DEUP1: variants seen among roughly 807,000 people sequenced by gnomAD.
The protein encoded by DEUP1 is coiled-coil domain containing 67.
Under a neutral mutation model 87.4 loss-of-function variants are expected in DEUP1, and 82 were observed. That is an observed-to-expected ratio of 0.94 (90% confidence interval 0.78 to 1.13). The LOEUF (loss-of-function observed/expected upper bound fraction) is 1.13. Among genes scored for constraint, DEUP1 ranks in the 50% most tolerant of loss-of-function variants. DEUP1 has a pLI of 0.00. For synonymous variants in DEUP1, 214 were observed against 222.7 expected (o/e 0.96, Z 0.35); for missense variants, 663 against 681.5 (o/e 0.97, Z 0.30).
intron 7 of DEUP1, chr11:93,383,381 T>C: frequency 4.8e-6 from 2 of 415,622 alleles, no homozygotes; most frequent in Non-Finnish European, 4.3e-6. Flanking sequence ...CCACATAGTG[T>C]ATGACACCAT....
intron 7 of DEUP1, among the ~76,000 whole-genome samples, chr11:93,377,340 G>A (rs1946085469): frequency 6.6e-6 from 1 of 152,002 alleles, no homozygotes; most frequent in Non-Finnish European, 1.5e-5. Flanking sequence ...TTTTCCTGTT[G>A]GACTAGTCCT....
chr11:93,374,331 T>C (rs3020070), intron 7 of DEUP1, among the ~76,000 whole-genome samples: 70,982 of 152,008 alleles, frequency 0.47, 17,196 homozygotes, highest in Admixed American at 0.61. Context: ...GCTTTTGGGT[T>C]CTTGGTCATG....
At chr11:93,385,037 C>T (rs2134321383) in intron 7 of DEUP1, among the ~76,000 whole-genome samples, 1 of 152,278 alleles carries the variant, frequency 6.6e-6, no homozygotes, top group East Asian at 1.9e-4. Context: ...GCCTGATCAA[C>T]ATGGTGAAAC....
chr11:93,361,016 A>G (rs1383886371), intron 4 of DEUP1, among the ~76,000 whole-genome samples: 1 of 152,122 alleles, frequency 6.6e-6, no homozygotes. Context: ...AAGTTCTGAA[A>G]ACCAAAAGAC....
intron 5 of DEUP1, among the ~76,000 whole-genome samples, chr11:93,365,446 C>G (rs759873072): frequency 6.6e-6 from 1 of 152,138 alleles, no homozygotes; most frequent in Non-Finnish European, 1.5e-5. Flanking sequence ...ATCCTGACCT[C>G]ATGGAAGATG....
intron 2 of DEUP1, among the ~76,000 whole-genome samples, chr11:93,342,278 C>G (rs1336186165): frequency 6.6e-6 from 1 of 152,020 alleles, no homozygotes; most frequent in African/African-American, 2.4e-5. Context: ...GCTCTGGAAC[C>G]CAGCACAAAT....
At chr11:93,414,152 C>T (rs528805664) in intron 12 of DEUP1, among the ~76,000 whole-genome samples, 1 of 152,180 alleles carries the variant, frequency 6.6e-6, no homozygotes, top group East Asian at 1.9e-4. Flanking sequence ...ACTGGAGGAG[C>T]TTAGGAGATG....
intron 2 of DEUP1, among the ~76,000 whole-genome samples, chr11:93,347,786 C>G (rs1306425598): frequency 1.3e-5 from 2 of 152,132 alleles, no homozygotes; most frequent in Non-Finnish European, 2.9e-5. Flanking sequence ...GATGCCCAGG[C>G]TGGAGTGAAG....
In DEUP1 at chr11:93,394,455, G is replaced by T; in HGVS notation, c.1042-4G>T. Reference sequence around the variant, plus strand: ...ATAATATTTCCAGTCTCTATCTGCTGCAGATAAGAAGCCAACTCCAACAGG... The same window carrying T: ...ATAATATTTCCAGTCTCTATCTGCTTCAGATAAGAAGCCAACTCCAACAGG... On this transcript the variant is annotated splice_polypyrimidine_tract_variant and splice_region_variant and intron_variant, in intron 9 of 13. Transcript: ENST00000298050. 6.5e-7 allele frequency: 1 copy of T among 1,548,452 alleles called. No individual in the cohort carries two copies. The highest frequency in any genetic ancestry group is 8.7e-7 in the Non-Finnish European group (1 of 1,152,660).
chr11:93,343,730 A>T (rs1193723687), intron 2 of DEUP1, among the ~76,000 whole-genome samples: 1 of 152,216 alleles, frequency 6.6e-6, no homozygotes. Context: ...AATTCTGATA[A>T]AACAATTGGT....
At chr11:93,419,240 C>T (rs1413668994) in intron 13 of DEUP1, among the ~76,000 whole-genome samples, 1 of 150,896 alleles carries the variant, frequency 6.6e-6, no homozygotes, top group Non-Finnish European at 1.5e-5. Flanking sequence ...GGCAGATCCC[C>T]ACACTGCTAC....
intron 5 of DEUP1, among the ~76,000 whole-genome samples, chr11:93,368,923 G>A (rs7928834): frequency 0.09 from 13,691 of 151,734 alleles, 1,609 homozygotes; most frequent in African/African-American, 0.27. Context: ...GCAACAGAGC[G>A]AGACTCCATC....
chr11:93,330,241 G>T (rs1368895847), upstream of DEUP1: 1 of 151,584 alleles, frequency 6.6e-6, no homozygotes, highest in Non-Finnish European at 1.5e-5. Flanking sequence ...TTCAAATTTG[G>T]GTAAGAGGAA....
intron 2 of DEUP1, among the ~76,000 whole-genome samples, chr11:93,353,451 G>C (rs905837589): frequency 6.6e-6 from 1 of 152,192 alleles, no homozygotes; most frequent in Non-Finnish European, 1.5e-5. Context: ...CCGTTCTGGG[G>C]TCTGGAGGAC....
At chr11:93,384,771 T>C (rs1329646209) in intron 7 of DEUP1, among the ~76,000 whole-genome samples, 1 of 152,228 alleles carries the variant, frequency 6.6e-6, no homozygotes, top group Admixed American at 6.5e-5. Context: ...TTCATACTTT[T>C]ATGTTTCATT....
At chr11:93,420,420 A>C (rs1212116212) in intron 13 of DEUP1, among the ~76,000 whole-genome samples, 2 of 152,250 alleles carry the variant, frequency 1.3e-5, no homozygotes, top group African/African-American at 4.8e-5. Flanking sequence ...TCTCAAAATC[A>C]TAAGAGCTAT....
chr11:93,387,228 T>G (rs1040988416), intron 8 of DEUP1, among the ~76,000 whole-genome samples: 7 of 152,174 alleles, frequency 4.6e-5, no homozygotes, highest in African/African-American at 9.6e-5. Flanking sequence ...TAAAAGAGTC[T>G]AATTTTTTTA....
chr11:93,380,314 C>CT (rs529116828), intron 7 of DEUP1, among the ~76,000 whole-genome samples: 191 of 121,122 alleles, frequency 1.6e-3, no homozygotes, highest in African/African-American at 5.8e-3. Context: ...ACCTGTGTGG[C>CT]TTGCATTTGT....
At position 93,357,056 on chromosome 11, in the gene DEUP1, A is replaced by C. The variant is rs934947189; in HGVS notation, c.297+13A>C. ...CCTAAAGGCTCAAGTAAGAAAACTT[A>C]TTATAATTTAATATCACACATTTTG... On this transcript the variant is annotated intron_variant, in intron 4 of 13. Transcript: ENST00000298050. 2.8e-6 allele frequency: 4 copies of C among 1,436,196 alleles called. No homozygotes were observed. In the African/African-American group the frequency reaches 5.8e-5, roughly 21 times the overall value. 89.0% of individuals were successfully genotyped at this position (1,436,196 alleles called of 1,614,324 possible).
Sources: gnomAD v4.1 joint callset for allele counts (sites outside exome capture counted in the v4.1 genomes callset) on GRCh38, gnomAD v4.1.1 for gene constraint, MANE v1.5 for transcripts, NCBI Gene and HGNC (gene_info 2026-07-23, HGNC 2026-07-21) for gene names.